The following CENPC variants were observed in gnomAD, a reference collection of about 807,000 sequenced individuals.
CENPC encodes the protein CENP-C 1.
In CENPC, 63 loss-of-function variants were observed where a neutral mutation model predicts 112.1. The ratio of observed to expected loss-of-function variants is 0.56; its 90% CI spans 0.46 to 0.69. The LOEUF (loss-of-function observed/expected upper bound fraction) is 0.69. Among genes scored for constraint, CENPC ranks in the 30% least tolerant of loss-of-function variants. The pLI, the probability that CENPC is intolerant of heterozygous loss-of-function variation, is 0.00. For missense variants in CENPC, 1,000 were observed against 1,103.8 expected, an observed-to-expected ratio of 0.91 and a Z score of 1.33; for synonymous variants, 333 against 367.6, an observed-to-expected ratio of 0.91 and a Z score of 1.08.
chr4:67,539,715 A>G (rs17555193), intron 4 of CENPC, 125 bp downstream of exon 4: 6,988 of 498,258 alleles, frequency 0.014, 236 homozygotes, highest in Admixed American at 0.12. Flanking sequence ...ATAGAAAGTC[A>G]ATGGGAATAT....
intron 4 of CENPC, among the ~76,000 whole-genome samples, chr4:67,532,756 G>A (rs1217823062): frequency 6.6e-6 from 1 of 152,006 alleles, no homozygotes; most frequent in Non-Finnish European, 1.5e-5. Flanking sequence ...GGGGGGTAGG[G>A]GGAGGGGGGA....
At chr4:67,503,743 C>A (rs544609677) in intron 12 of CENPC, among the ~76,000 whole-genome samples, 5 of 151,608 alleles carry the variant, frequency 3.3e-5, no homozygotes, top group African/African-American at 9.7e-5. Flanking sequence ...TTTTCAAGCA[C>A]CAATGGAAAA....
At chr4:67,491,614 C>G in intron 16 of CENPC, among the ~76,000 whole-genome samples, 1 of 150,218 alleles carries the variant, frequency 6.7e-6, no homozygotes, top group Non-Finnish European at 1.5e-5. Context: ...CTGCTAGAGA[C>G]TAAATATTTA....
At position 67,513,993 on chromosome 4, in the gene CENPC, T is replaced by C. The variant is rs572213582; in HGVS notation, c.1444+81A>G. ...GTTCATTTAGGTTTACTTTGCCTAC[T>C]TGCCAAAGCTAAGTTAGGATATTAA... is the stretch of plus-strand genomic sequence containing the variant. On this transcript the variant is annotated intron_variant, in intron 8 of 18. Coordinates refer to ENST00000273853, the MANE Select transcript of CENPC (RefSeq NM_001812.4). 8.7e-5 allele frequency: 118 copies of C among 1,358,388 alleles called. No homozygotes were observed. The African/African-American group carries it at 1.6e-3, about 18-fold the overall frequency. The allele number at this position is 1,358,388 out of a possible 1,614,324, so 84.1% of individuals were successfully genotyped here. A position where few individuals can be genotyped will look rare whatever the true frequency, so the allele number is the denominator to read the frequency against.
At position 67,512,539 on chromosome 4, in the gene CENPC, T is replaced by G; in HGVS notation, c.1475A>C (p.Lys492Thr). ...GSKKSSTRKD[K>T]EESKKKRFSS... ...AAAGCGCTTCTTTTTAGATTCTTCC[T>G]TATCTTTTCTAGTGCTACTTTTCTT... Residue 492 changes from lysine (K) to threonine (T), a missense_variant, in exon 9 of 19, where the codon AAG (lysine) becomes ACG (threonine). Transcript: ENST00000273853. 1 of 1,557,744 alleles carries G rather than the reference T, an allele frequency of 6.4e-7. No individual in the cohort carries two copies. Among genetic ancestry groups the G allele is most frequent in the African/African-American group, 1.4e-5 (1 of 72,964 alleles).
intron 5 of CENPC, among the ~76,000 whole-genome samples, chr4:67,522,675 G>A (rs1726261278): frequency 6.6e-6 from 1 of 152,136 alleles, no homozygotes; most frequent in Admixed American, 6.5e-5. Flanking sequence ...GAAGTGGATG[G>A]GGGGAAAGGT....
rs1560431308 is a variant in CENPC at position 67,508,937 on chromosome 4, A to G, written c.1781T>C (p.Phe594Ser). The G allele has an allele frequency of 1.2e-6, 2 of 1,613,720 alleles. No individual in the cohort carries two copies. Among genetic ancestry groups the G allele is most frequent in the Non-Finnish European group, 8.5e-7 (1 of 1,179,756 alleles). ...ATKGNQRVQK[F>S]LNAEGSGGIV... Reference sequence around the variant, plus strand: ...ACCTCCAGAACCTTCAGCATTTAAAAACTTCTGTACTCTTTGGTTGCCTTT... The same window carrying G: ...ACCTCCAGAACCTTCAGCATTTAAAGACTTCTGTACTCTTTGGTTGCCTTT... Residue 594 changes from phenylalanine (F) to serine (S), a missense_variant, in exon 10 of 19, where the codon TTT becomes TCT. Phe to Ser is a radical substitution (Grantham distance 155). Coordinates refer to ENST00000273853, the MANE Select transcript of CENPC (RefSeq NM_001812.4).
chr4:67,542,244 A>T (rs1293181586), intron 2 of CENPC, among the ~76,000 whole-genome samples: 1 of 152,244 alleles, frequency 6.6e-6, no homozygotes, highest in Non-Finnish European at 1.5e-5. Context: ...CTAGCCCAAA[A>T]GCAACCACAG....
chr4:67,543,860 A>G (rs767493288), intron 2 of CENPC, among the ~76,000 whole-genome samples: 1 of 152,186 alleles, frequency 6.6e-6, no homozygotes, highest in Non-Finnish European at 1.5e-5. Context: ...TTCTAATTTT[A>G]CCATTTGATT....
At chr4:67,533,615 C>T (rs903280186) in intron 4 of CENPC, among the ~76,000 whole-genome samples, 1 of 152,142 alleles carries the variant, frequency 6.6e-6, no homozygotes, top group South Asian at 2.1e-4. Context: ...GGTTGAAAAG[C>T]AAACTACTGG....
intron 4 of CENPC, among the ~76,000 whole-genome samples, chr4:67,532,495 C>A (rs1206912823): frequency 1.3e-5 from 2 of 152,152 alleles, no homozygotes; most frequent in Non-Finnish European, 2.9e-5. Flanking sequence ...TTCGAACCAA[C>A]CCAAATGTCC....
At chr4:67,518,716 C>T (rs544833846) in intron 6 of CENPC, among the ~76,000 whole-genome samples, 2 of 152,252 alleles carry the variant, frequency 1.3e-5, no homozygotes, top group East Asian at 3.9e-4. Flanking sequence ...TCCTTGGCTC[C>T]AGTAATCATA....
chr4:67,509,242 AC>A, intron 9 of CENPC, 137 bp from the exon 10 acceptor site: 2 of 591,644 alleles, frequency 3.4e-6, no homozygotes, highest in Admixed American at 3.0e-5. Flanking sequence ...ACACACACAC[AC>A]ACACACACAC....
At chr4:67,520,481 A>G (rs985749897) in intron 5 of CENPC, among the ~76,000 whole-genome samples, 1 of 152,166 alleles carries the variant, frequency 6.6e-6, no homozygotes, top group Non-Finnish European at 1.5e-5. Flanking sequence ...AGAACAGCGT[A>G]AGAGAGGCCA....
intron 17 of CENPC, among the ~76,000 whole-genome samples, chr4:67,487,707 C>T (rs1326697886): frequency 1.3e-5 from 2 of 151,780 alleles, no homozygotes; most frequent in South Asian, 4.2e-4. Flanking sequence ...CTCTTCTCTA[C>T]ATTATTTAAC....
At chr4:67,492,047 T>G (rs975554034) in intron 16 of CENPC, 133 bp downstream of exon 16, 42 of 585,774 alleles carry the variant, frequency 7.2e-5, no homozygotes, top group Non-Finnish European at 1.1e-4. Flanking sequence ...CTCGTTGGAA[T>G]TAGACTCTTC....
In CENPC at chr4:67,494,000, T is replaced by C. The variant is rs1725359394; in HGVS notation, c.2186-12A>G. 5 of 1,577,876 alleles carry C rather than the reference T, an allele frequency of 3.2e-6. No homozygotes were observed. In the South Asian group the frequency reaches 5.7e-5, roughly 18 times the overall value. On this transcript the variant is annotated splice_polypyrimidine_tract_variant and intron_variant, in intron 13 of 18. Transcript: ENST00000273853. The stretch of plus-strand genomic sequence containing the variant: ...GTTGGAGGGCAATACTATAAAAAGA[T>C]GTCAGACAAAAGTGTATACATAGTT...
chr4:67,478,018 A>C (rs1459750095), intron 17 of CENPC, among the ~76,000 whole-genome samples: 1 of 152,134 alleles, frequency 6.6e-6, no homozygotes, highest in African/African-American at 2.4e-5. Flanking sequence ...AATTAAAAAA[A>C]AAAATGAACA....
In CENPC at chr4:67,492,286, A is replaced by G; in HGVS notation, c.2420-11T>C. 1 of 1,498,438 alleles carries G rather than the reference A, an allele frequency of 6.7e-7. No individual in the cohort carries two copies. Among genetic ancestry groups the G allele is most frequent in the African/African-American group, 1.4e-5 (1 of 72,104 alleles). The allele number at this position is 1,498,438 out of a possible 1,614,324, so 92.8% of individuals were successfully genotyped here. A position where few individuals can be genotyped will look rare whatever the true frequency, so the allele number is the denominator to read the frequency against. On this transcript the variant is annotated splice_polypyrimidine_tract_variant and intron_variant, in intron 15 of 18. Coordinates refer to ENST00000273853, the MANE Select transcript of CENPC (RefSeq NM_001812.4). ...CCATTAAGTTAGTCTCTGCAAAAGA[A>G]ATACCATTGAAATACAAACTACTTA...
Sources: gnomAD v4.1 joint callset for allele counts (sites outside exome capture counted in the v4.1 genomes callset) on GRCh38, gnomAD v4.1.1 for gene constraint, MANE v1.5 for transcripts, NCBI Gene and HGNC (gene_info 2026-07-23, HGNC 2026-07-21) for gene names.